The following CACNA1C variants were observed in gnomAD, a reference collection of about 807,000 sequenced individuals.
The protein encoded by CACNA1C is calcium voltage-gated channel subunit alpha1 C, also known as voltage-dependent L-type calcium channel subunit alpha-1C.
Under a neutral mutation model 229.0 loss-of-function variants are expected in CACNA1C, and 30 were observed. The ratio of observed to expected loss-of-function variants is 0.13; its 90% CI spans 0.10 to 0.18. The LOEUF is 0.18. Ranked by LOEUF, CACNA1C falls within the 10% of genes least tolerant of loss-of-function variation. CACNA1C has a pLI of 1.00. For missense variants in CACNA1C, 1,658 were observed against 2,845.0 expected, an observed-to-expected ratio of 0.58 and a Z score of 9.49; for synonymous variants, 1,114 against 1,132.5, an observed-to-expected ratio of 0.98 and a Z score of 0.33.
chr12:2,414,431 G>T (rs1482868568), intron 3 of CACNA1C, among the ~76,000 whole-genome samples: 1 of 152,176 alleles, frequency 6.6e-6, no homozygotes, highest in African/African-American at 2.4e-5. Context: ...TCCCGTGGAT[G>T]GCCGGATTTT....
chr12:2,545,807 G>A (rs2099879932), intron 9 of CACNA1C, among the ~76,000 whole-genome samples: 1 of 152,198 alleles, frequency 6.6e-6, no homozygotes, highest in Non-Finnish European at 1.5e-5. Context: ...ACCCTGCATA[G>A]TGACCTCGCA....
rs1237431315 is a variant in CACNA1C at position 2,262,083 on chromosome 12, C to T, written c.477+141653C>T. The stretch of plus-strand genomic sequence containing the variant: ...AGGCTAAAGAGGGCAGGCAGAGGCT[C>T]GCCAAGGGGCACAGTGGAGTGCTTC... On this transcript the variant is annotated intron_variant, in intron 3 of 46. Transcript: ENST00000399655. Among the ~76,000 whole-genome samples the T allele has an allele frequency of 3.9e-5, 6 of 152,200 alleles. No homozygotes were observed. The East Asian group carries it at 7.7e-4, about 20-fold the overall frequency.
At chr12:2,335,853 G>C (rs1337540155) in intron 3 of CACNA1C, among the ~76,000 whole-genome samples, 1 of 151,990 alleles carries the variant, frequency 6.6e-6, no homozygotes, top group Non-Finnish European at 1.5e-5. Flanking sequence ...GAATTGTCAA[G>C]AATACTTCAA....
intron 1 of CACNA1C, among the ~76,000 whole-genome samples, chr12:2,043,155 AT>A (rs2050431222): frequency 6.6e-6 from 1 of 152,216 alleles, no homozygotes; most frequent in African/African-American, 2.4e-5. Context: ...ATGAATTAGA[AT>A]CATTGACTGA....
At chr12:2,390,965 T>C (rs1305997244) in intron 3 of CACNA1C, among the ~76,000 whole-genome samples, 4 of 152,098 alleles carry the variant, frequency 2.6e-5, no homozygotes, top group Admixed American at 2.6e-4. Flanking sequence ...CCTCAGAGAC[T>C]CTCCACACAG....
chr12:2,119,518 T>C (rs1178872011), intron 2 of CACNA1C, among the ~76,000 whole-genome samples: 1 of 152,210 alleles, frequency 6.6e-6, no homozygotes, highest in Admixed American at 6.5e-5. Flanking sequence ...GAAAATGTGA[T>C]GAAGAAGTCA....
chr12:2,533,323 A>G lies in CACNA1C; in HGVS notation c.1391-16620A>G, dbSNP rs940287854. On this transcript the variant is annotated intron_variant, in intron 9 of 46. Coordinates refer to ENST00000399655, the MANE Select transcript of CACNA1C (RefSeq NM_000719.7). ...ACCCAAAATAACCCAGGAGGGAGGA[A>G]GGAGCTCATGGGTGGGTGGCTGGAT... Among the ~76,000 whole-genome samples, 7 of 152,160 alleles carry G rather than the reference A, an allele frequency of 4.6e-5. No individual in the cohort carries two copies. In the South Asian group the frequency reaches 1.0e-3, roughly 23 times the overall value.
chr12:2,330,327 A>G (rs2096502406), intron 3 of CACNA1C, among the ~76,000 whole-genome samples: 1 of 152,240 alleles, frequency 6.6e-6, no homozygotes, highest in Non-Finnish European at 1.5e-5. Context: ...ATCACCTCAT[A>G]TTGCTAAGCC....
At chr12:2,536,341 G>A (rs2154586844) in intron 9 of CACNA1C, among the ~76,000 whole-genome samples, 1 of 152,328 alleles carries the variant, frequency 6.6e-6, no homozygotes, top group African/African-American at 2.4e-5. Context: ...GAGGGAGCCT[G>A]GGGCCTGTGT....
intron 29 of CACNA1C, among the ~76,000 whole-genome samples, chr12:2,621,747 G>C (rs771992629): frequency 6.6e-6 from 1 of 152,128 alleles, no homozygotes; most frequent in Non-Finnish European, 1.5e-5. Flanking sequence ...AGACGGCTCC[G>C]GGGTTCCTGG....
At chr12:2,030,756 G>A (rs1298737555) in intron 1 of CACNA1C, among the ~76,000 whole-genome samples, 4 of 152,236 alleles carry the variant, frequency 2.6e-5, no homozygotes, top group Admixed American at 2.0e-4. Flanking sequence ...CTCTTGGGCC[G>A]TAAAGTTAGG....
intron 24 of CACNA1C, among the ~76,000 whole-genome samples, chr12:2,606,299 A>C (rs936327620): frequency 6.7e-6 from 1 of 149,204 alleles, no homozygotes; most frequent in South Asian, 2.2e-4. Context: ...GCTCCCCTCC[A>C]CTGTGTAAAC....
intron 1 of CACNA1C, among the ~76,000 whole-genome samples, chr12:1,981,744 G>A (rs2036198287): frequency 6.6e-6 from 1 of 152,176 alleles, no homozygotes; most frequent in African/African-American, 2.4e-5. Flanking sequence ...ATGCTGCAGT[G>A]AGACATCACA....
intron 4 of CACNA1C, among the ~76,000 whole-genome samples, chr12:2,452,351 A>C (rs1274109449): frequency 6.6e-6 from 1 of 152,140 alleles, no homozygotes; most frequent in African/African-American, 2.4e-5. Context: ...GGACCGTGGA[A>C]TCCTCAGTGG....
At chr12:2,100,809 T>C (rs959044461) in intron 1 of CACNA1C, among the ~76,000 whole-genome samples, 45 of 151,460 alleles carry the variant, frequency 3.0e-4, no homozygotes, top group African/African-American at 1.0e-3. Flanking sequence ...TCCTAGCACT[T>C]TGGGAGGCCA....
intron 3 of CACNA1C, among the ~76,000 whole-genome samples, chr12:2,159,976 GT>G (rs1326394279): frequency 2.0e-5 from 3 of 152,192 alleles, no homozygotes; most frequent in Admixed American, 2.0e-4. Context: ...TTTGTTTTGA[GT>G]ATCTGTTATG....
At chr12:2,156,144 C>T (rs1182431130) in intron 3 of CACNA1C, among the ~76,000 whole-genome samples, 1 of 152,128 alleles carries the variant, frequency 6.6e-6, no homozygotes. Flanking sequence ...TTTTAAGGTA[C>T]ACATACATAC....
chr12:2,238,952 G>A (rs1352629753), intron 3 of CACNA1C, among the ~76,000 whole-genome samples: 1 of 152,196 alleles, frequency 6.6e-6, no homozygotes, highest in African/African-American at 2.4e-5. Context: ...ACCACCCTAA[G>A]CCTTAGTTTC....
At chr12:2,118,624 G>T (rs1247737675) in intron 2 of CACNA1C, among the ~76,000 whole-genome samples, 1 of 152,192 alleles carries the variant, frequency 6.6e-6, no homozygotes, top group Non-Finnish European at 1.5e-5. Context: ...GAGCATTTCT[G>T]TTGGGCCGTA....
Sources: gnomAD v4.1 joint callset for allele counts (sites outside exome capture counted in the v4.1 genomes callset) on GRCh38, gnomAD v4.1.1 for gene constraint, MANE v1.5 for transcripts, NCBI Gene and HGNC (gene_info 2026-07-23, HGNC 2026-07-21) for gene names.